The following ERBB4 variants were observed in gnomAD, a reference collection of about 807,000 sequenced individuals.
ERBB4 encodes the protein erb-b2 receptor tyrosine kinase 4.
In ERBB4, 42 loss-of-function variants were observed where a neutral mutation model predicts 158.0. The observed-to-expected ratio is 0.27, with a 90% confidence interval of 0.21 to 0.34. ERBB4 has a LOEUF of 0.34. Among genes scored for constraint, ERBB4 ranks in the 10% least tolerant of loss-of-function variants. ERBB4 has a pLI of 1.00. For synonymous variants in ERBB4, 583 were observed against 558.7 expected, an observed-to-expected ratio of 1.04 and a Z score of -0.61; for missense variants, 1,333 against 1,624.1, an observed-to-expected ratio of 0.82 and a Z score of 3.08.
intron 1 of ERBB4, among the ~76,000 whole-genome samples, chr2:212,286,594 C>CTTGTTTTTTTTTTTTT (rs760466245): frequency 1.3e-4 from 7 of 55,534 alleles, no homozygotes; most frequent in African/African-American, 4.1e-4. Context: ...TAAGTGCTGA[C>CTTGTTTTTTTTTTTTT]TTTTTTTTTT....
chr2:212,485,075 T>C (rs1239246726), intron 1 of ERBB4, among the ~76,000 whole-genome samples: 3 of 152,176 alleles, frequency 2.0e-5, no homozygotes, highest in Admixed American at 2.0e-4. Flanking sequence ...AGATTACGAT[T>C]TCATTAACAG....
intron 1 of ERBB4, among the ~76,000 whole-genome samples, chr2:212,442,826 A>C (rs975738185): frequency 6.6e-5 from 10 of 152,174 alleles, no homozygotes; most frequent in Non-Finnish European, 1.2e-4. Flanking sequence ...AGACAATATC[A>C]CATCCCTGGA....
chr2:211,903,873 C>T (rs1423846367), intron 3 of ERBB4, among the ~76,000 whole-genome samples: 1 of 151,456 alleles, frequency 6.6e-6, no homozygotes, highest in East Asian at 1.9e-4. Flanking sequence ...AGAAAAGAAA[C>T]ACAACTGCTG....
chr2:212,450,821 G>GAAAAAAAAAA (rs57931477), intron 1 of ERBB4, among the ~76,000 whole-genome samples: 3 of 92,856 alleles, frequency 3.2e-5, no homozygotes, highest in African/African-American at 7.6e-5. Context: ...TTTCAGCCGA[G>GAAAAAAAAAA]AAAAAAAAAA....
chr2:212,511,584 G>T (rs940484387), intron 1 of ERBB4, among the ~76,000 whole-genome samples: 3 of 152,066 alleles, frequency 2.0e-5, no homozygotes, highest in African/African-American at 7.2e-5. Context: ...TTCAGACCAA[G>T]ATTCTGTGAA....
rs1390558405 is a variant in ERBB4, at chr2:211,380,104, AT to A, written c.*3510del. On this transcript the variant is annotated 3_prime_UTR_variant, in exon 28 of 28. Coordinates refer to ENST00000342788, the MANE Select transcript of ERBB4 (RefSeq NM_005235.3). ...CTAATCTACAAAAAAGAATCACTTG[AT>A]TTTAGTTTGTGTGTTTTAATAGAAA... 8.6e-6 allele frequency: 2 copies of A among 231,940 alleles called. No homozygotes were observed. The allele number at this position is 231,940 out of a possible 1,614,324, so 14.4% of individuals were successfully genotyped here.
At chr2:212,464,892 TCA>T (rs148243973) in intron 1 of ERBB4, among the ~76,000 whole-genome samples, 27,998 of 145,804 alleles carry the variant, frequency 0.19, 3,113 homozygotes, top group Non-Finnish European at 0.25. Flanking sequence ...AAGGGAAACA[TCA>T]CACACACACA....
At chr2:211,772,705 G>A (rs1386912119) in intron 4 of ERBB4, among the ~76,000 whole-genome samples, 3 of 147,052 alleles carry the variant, frequency 2.0e-5, no homozygotes, top group Non-Finnish European at 4.5e-5. Flanking sequence ...GAGCACACTG[G>A]TACAATCATG....
At chr2:211,767,716 C>T (rs35720933) in intron 4 of ERBB4, among the ~76,000 whole-genome samples, 1 of 151,982 alleles carries the variant, frequency 6.6e-6, no homozygotes, top group African/African-American at 2.4e-5. Flanking sequence ...TCACTATCAC[C>T]ACAGCAGCAT....
chr2:212,466,572 T>G (rs1391930650), intron 1 of ERBB4, among the ~76,000 whole-genome samples: 1 of 152,190 alleles, frequency 6.6e-6, no homozygotes, highest in Non-Finnish European at 1.5e-5. Flanking sequence ...AAGTAAGATA[T>G]GACTTGCTCC....
chr2:211,531,578 A>G (rs1263012176), intron 20 of ERBB4, among the ~76,000 whole-genome samples: 2 of 152,126 alleles, frequency 1.3e-5, no homozygotes, highest in African/African-American at 4.8e-5. Flanking sequence ...TCATTGATCA[A>G]CAGAGAAATG....
chr2:212,177,953 AGTGTGAGT>A (rs1414225335), intron 1 of ERBB4, among the ~76,000 whole-genome samples: 11 of 100,946 alleles, frequency 1.1e-4, no homozygotes, highest in East Asian at 2.1e-4. Context: ...AGTGTTTGTG[AGTGTGAGT>A]GTGTGTGTGT....
intron 20 of ERBB4, among the ~76,000 whole-genome samples, chr2:211,447,919 CT>C (rs2064151729): frequency 6.6e-6 from 1 of 152,094 alleles, no homozygotes; most frequent in Admixed American, 6.6e-5. Context: ...AGAAACATGG[CT>C]GGGGTTTGGT....
intron 1 of ERBB4, among the ~76,000 whole-genome samples, chr2:212,261,911 A>G (rs1001760303): frequency 6.6e-6 from 1 of 152,142 alleles, no homozygotes. Context: ...TTTATAAAAA[A>G]TATAAAATTA....
intron 1 of ERBB4, among the ~76,000 whole-genome samples, chr2:212,472,707 T>C (rs965212621): frequency 5.9e-5 from 9 of 151,754 alleles, no homozygotes; most frequent in African/African-American, 2.2e-4. Flanking sequence ...AATAAATTAC[T>C]AGAAAAAATG....
chr2:212,206,033 T>C (rs2082735497), intron 1 of ERBB4, among the ~76,000 whole-genome samples: 1 of 152,224 alleles, frequency 6.6e-6, no homozygotes, highest in South Asian at 2.1e-4. Flanking sequence ...TATATCTTTA[T>C]AATTAGTGGT....
intron 24 of ERBB4, 30 bp downstream of exon 24, chr2:211,421,977 G>C (rs1303346044): frequency 7.1e-7 from 1 of 1,410,168 alleles, no homozygotes; most frequent in East Asian, 2.3e-5. Context: ...CATTGGCCTA[G>C]TCTTAAAGGC....
rs561262978 is a variant in ERBB4 at position 212,522,846 on chromosome 2, G to A, written c.82+15603C>T. On this transcript the variant is annotated intron_variant, in intron 1 of 27. Coordinates refer to ENST00000342788, the MANE Select transcript of ERBB4 (RefSeq NM_005235.3). Reference sequence around the variant, plus strand: ...ACAGAGGATTAATACCATCTACCACGCAGGTTTAAGGAGGCACCAGACGTA... The same window carrying A: ...ACAGAGGATTAATACCATCTACCACACAGGTTTAAGGAGGCACCAGACGTA... 3.6e-4 allele frequency among the ~76,000 whole-genome samples: 54 copies of A among 152,004 alleles called. 1 individual carries two copies. Among genetic ancestry groups the A allele is most frequent in the Non-Finnish European group, 6.8e-4 (46 of 67,914 alleles).
intron 1 of ERBB4, among the ~76,000 whole-genome samples, chr2:212,240,925 A>G (rs1022759451): frequency 6.6e-6 from 1 of 152,144 alleles, no homozygotes; most frequent in Non-Finnish European, 1.5e-5. Context: ...AACCATGGAC[A>G]TAGTAATGGA....
Sources: gnomAD v4.1 joint callset for allele counts (sites outside exome capture counted in the v4.1 genomes callset) on GRCh38, gnomAD v4.1.1 for gene constraint, MANE v1.5 for transcripts, NCBI Gene and HGNC (gene_info 2026-07-23, HGNC 2026-07-21) for gene names.